EIF4G3: variants seen among roughly 807,000 people sequenced by gnomAD.
The protein encoded by EIF4G3 is eIF-4-gamma 3.
Under a neutral mutation model 186.4 loss-of-function variants are expected in EIF4G3, and 34 were observed. That is an observed-to-expected ratio of 0.18 (90% CI 0.14 to 0.24). The LOEUF (loss-of-function observed/expected upper bound fraction) is 0.24. EIF4G3 is among the 10% of genes least tolerant of loss of function. The pLI, the probability that EIF4G3 is intolerant of heterozygous loss-of-function variation, is 1.00. For synonymous variants in EIF4G3, 673 were observed against 679.5 expected (o/e 0.99, Z 0.15); for missense variants, 1,536 against 1,948.5 (o/e 0.79, Z 3.99).
At chr1:21,020,969 T>C (rs1053915371) in intron 4 of EIF4G3, among the ~76,000 whole-genome samples, 1 of 149,362 alleles carries the variant, frequency 6.7e-6, no homozygotes, top group African/African-American at 2.5e-5. Flanking sequence ...AATGCTGGCA[T>C]TTATTTCTTA....
Position 20,899,760 on chromosome 1 carries a change from T to C in EIF4G3, c.1936A>G (p.Ile646Val), listed in dbSNP as rs1158767614. ...TCTGTGGAGCCTGAATTAGCATCTA[T>C]TCCTTCACCCTCAGAAACACTCTCA... is the stretch of plus-strand genomic sequence containing the variant. Reference protein sequence around the residue: ...GAESVSEGEGIDANSGSTDSS... With the variant: ...GAESVSEGEGVDANSGSTDSS... The change falls in exon 16 of 37, where the codon ATA becomes GTA. Residue 646 changes from isoleucine (I) to valine (V), a missense_variant. This residue lies in a region of EIF4G3 where 560 missense variants were observed against 547.8 expected (regional missense o/e 1.02). Transcript: ENST00000602326. 23 of 1,614,156 alleles carry C rather than the reference T, an allele frequency of 1.4e-5. No individual in the cohort carries two copies. The highest frequency in any genetic ancestry group is 1.6e-5 in the Non-Finnish European group (19 of 1,179,996).
intron 24 of EIF4G3, among the ~76,000 whole-genome samples, chr1:20,857,931 C>T (rs1337224906): frequency 6.6e-6 from 1 of 152,188 alleles, no homozygotes; most frequent in East Asian, 1.9e-4. Context: ...TCCAACATTT[C>T]AGCTGCACAG....
At chr1:20,866,878 T>C (rs916205097) in intron 20 of EIF4G3, among the ~76,000 whole-genome samples, 1 of 152,210 alleles carries the variant, frequency 6.6e-6, no homozygotes, top group Non-Finnish European at 1.5e-5. Flanking sequence ...TTTACCTCCA[T>C]CATCTGTATT....
chr1:20,879,470 C>A lies in EIF4G3; in HGVS notation c.2475G>T (p.Met825Ile). The A allele has an allele frequency of 1.3e-6, 2 of 1,544,710 alleles. No individual in the cohort carries two copies. Among genetic ancestry groups the A allele is most frequent in the Non-Finnish European group, 1.7e-6 (2 of 1,145,326 alleles). Reference protein sequence around the residue: ...RSILNKLTPQMFNQLMKQVSG... With the variant: ...RSILNKLTPQIFNQLMKQVSG... Reference sequence around the variant, plus strand: ...ACACTTGCTTCATCAGTTGATTGAACATCTGTGGTGTCAATTTATTTAAGA... The same window carrying A: ...ACACTTGCTTCATCAGTTGATTGAAAATCTGTGGTGTCAATTTATTTAAGA... Residue 825 changes from methionine (M) to isoleucine (I), a missense_variant, in exon 20 of 37, where the codon ATG becomes ATT. Physicochemically the swap from Met to Ile is conservative, Grantham distance 10. This residue lies in a region of EIF4G3 where 139 missense variants were observed against 192.8 expected (regional missense o/e 0.72). Transcript: ENST00000602326.
At chr1:21,020,035 T>G (rs1202041755) in intron 4 of EIF4G3, among the ~76,000 whole-genome samples, 1 of 152,228 alleles carries the variant, frequency 6.6e-6, no homozygotes, top group African/African-American at 2.4e-5. Flanking sequence ...ACTGCCAATC[T>G]GAAAGGAATT....
rs2064439973 is a variant in EIF4G3, at chr1:20,829,150, G to C, written c.4184C>G (p.Thr1395Ser). 1 of 1,613,180 alleles carries C rather than the reference G, an allele frequency of 6.2e-7. No homozygotes were observed. The highest frequency in any genetic ancestry group is 1.3e-5 in the African/African-American group (1 of 74,828). ...KEGGISMREL[T>S]IEFSKPLLPV... ...AAGAGAAACAAGTATAACTTACATG[G>C]TAAGTTCTCTCATGGAGATTCCACC... Residue 1395 changes from threonine to serine, a missense_variant, in exon 31 of 37, where the codon ACC becomes AGC. Thr to Ser is a moderately conservative substitution (Grantham distance 58). Around this residue, in one of 11 missense-constraint regions of EIF4G3, gnomAD observed 395 missense variants for 498.9 expected, o/e 0.79. Transcript: ENST00000602326.
At chr1:20,876,748 C>A (rs1436588812) in intron 20 of EIF4G3, among the ~76,000 whole-genome samples, 1 of 152,144 alleles carries the variant, frequency 6.6e-6, no homozygotes, top group Non-Finnish European at 1.5e-5. Flanking sequence ...GTAATCCCTG[C>A]ACTTTGGGAG....
intron 8 of EIF4G3, 138 bp downstream of exon 8, chr1:20,982,250 G>A: frequency 3.1e-6 from 2 of 652,562 alleles, no homozygotes; most frequent in Non-Finnish European, 2.4e-6. Flanking sequence ...AATTTTCACT[G>A]CAAGATTAAA....
At chr1:20,861,619 C>T (rs1359391031) in intron 23 of EIF4G3, among the ~76,000 whole-genome samples, 3 of 152,168 alleles carry the variant, frequency 2.0e-5, no homozygotes, top group African/African-American at 7.2e-5. Context: ...ATTTAGCTCA[C>T]AAAGACTAAA....
At chr1:21,119,323 G>C (rs1324023769) in intron 2 of EIF4G3, among the ~76,000 whole-genome samples, 1 of 150,362 alleles carries the variant, frequency 6.7e-6, no homozygotes, top group African/African-American at 2.4e-5. Context: ...AAATAAAAGG[G>C]GAAAAAAAAA....
chr1:20,994,908 G>A (rs1398161832), intron 7 of EIF4G3, among the ~76,000 whole-genome samples: 1 of 151,932 alleles, frequency 6.6e-6, no homozygotes, highest in Non-Finnish European at 1.5e-5. Flanking sequence ...CAAATTGCTG[G>A]GATTGCAGGC....
At chr1:21,161,000 G>A (rs373271356) in intron 2 of EIF4G3, among the ~76,000 whole-genome samples, 2 of 151,476 alleles carry the variant, frequency 1.3e-5, no homozygotes, top group African/African-American at 4.9e-5. Flanking sequence ...GTGAAACCCC[G>A]TCTCTAATAA....
chr1:20,885,435 T>TG (rs1432348324), intron 19 of EIF4G3, among the ~76,000 whole-genome samples: 1 of 152,222 alleles, frequency 6.6e-6, no homozygotes, highest in Admixed American at 6.5e-5. Context: ...CCTCCAGAGC[T>TG]GGAACTTTGA....
chr1:20,855,598 T>C (rs2074643278), intron 25 of EIF4G3, among the ~76,000 whole-genome samples: 1 of 152,168 alleles, frequency 6.6e-6, no homozygotes, highest in Non-Finnish European at 1.5e-5. Context: ...TGATATCTCA[T>C]GTTTAATCTT....
Position 20,980,435 on chromosome 1 carries a change from C to T in EIF4G3, c.392G>A (p.Gly131Asp). Reference sequence around the variant, plus strand: ...TTGGGGGGGCCCAACATAAGGAGGGCCACTATGACGGTACTAGAAAAGAGA... The same window carrying T: ...TTGGGGGGGCCCAACATAAGGAGGGTCACTATGACGGTACTAGAAAAGAGA... ...QYCIPQYRHS[G>D]PPYVGPPQQY... The change falls in exon 10 of 37, where the codon GGC (glycine) becomes GAC (aspartate). Residue 131 changes from glycine (G) to aspartate (D), a missense_variant. Gly to Asp is a moderately conservative substitution (Grantham distance 94). Around this residue, in one of 11 missense-constraint regions of EIF4G3, gnomAD observed 194 missense variants for 212.8 expected, o/e 0.91. Transcript: ENST00000602326. 6.5e-7 allele frequency: 1 copy of T among 1,548,390 alleles called. No homozygotes were observed. Among genetic ancestry groups the T allele is most frequent in the Non-Finnish European group, 8.6e-7 (1 of 1,157,520 alleles).
At chr1:21,068,385 A>AAAAAAAAAAAAAAAAAAAAAAC (rs1572031600) in intron 3 of EIF4G3, among the ~76,000 whole-genome samples, 1 of 149,034 alleles carries the variant, frequency 6.7e-6, no homozygotes, top group East Asian at 1.9e-4. Flanking sequence ...TAAAAAAAAA[A>AAAAAAAAAAAAAAAAAAAAAAC]AAAAAAAAAA....
chr1:20,907,794 T>G (rs1256346362), intron 14 of EIF4G3, among the ~76,000 whole-genome samples: 2 of 152,142 alleles, frequency 1.3e-5, no homozygotes, highest in African/African-American at 4.8e-5. Context: ...AGTCTATCAT[T>G]GTTGGACATT....
At chr1:20,992,075 GA>G (rs2081255626) in intron 7 of EIF4G3, among the ~76,000 whole-genome samples, 1 of 152,108 alleles carries the variant, frequency 6.6e-6, no homozygotes, top group Admixed American at 6.6e-5. Flanking sequence ...CAGTTTTACT[GA>G]CTCCCAACAT....
At chr1:20,967,040 C>T (rs961384811) in intron 12 of EIF4G3, among the ~76,000 whole-genome samples, 12 of 150,330 alleles carry the variant, frequency 8.0e-5, no homozygotes, top group East Asian at 2.0e-4. Context: ...AGTGTAGATT[C>T]GATGTGCTTT....
Sources: gnomAD v4.1 joint callset for allele counts (sites outside exome capture counted in the v4.1 genomes callset) on GRCh38, gnomAD v4.1.1 for gene constraint, gnomAD v4.1.1 regional missense constraint, MANE v1.5 for transcripts, NCBI Gene and HGNC (gene_info 2026-07-23, HGNC 2026-07-21) for gene names.